GTF3C1: variants seen among roughly 807,000 people sequenced by gnomAD.
GTF3C1 encodes general transcription factor 3C polypeptide 1.
A neutral mutation model predicts 226.7 loss-of-function variants in GTF3C1; 57 were observed. The observed-to-expected ratio is 0.25, with a 90% CI of 0.20 to 0.31. The LOEUF (loss-of-function observed/expected upper bound fraction) is 0.31, where lower values mean the gene tolerates loss of function less well. Among genes scored for constraint, GTF3C1 ranks in the 10% least tolerant of loss-of-function variants. The pLI is 1.00. For synonymous variants in GTF3C1, 1,090 were observed against 1,084.8 expected (o/e 1.00, Z -0.09); for missense variants, 2,217 against 2,776.1 (o/e 0.80, Z 4.53).
chr16:27,483,964 A>C (rs1278380641), intron 25 of GTF3C1, among the ~76,000 whole-genome samples: 1 of 152,208 alleles, frequency 6.6e-6, no homozygotes, highest in African/African-American at 2.4e-5. Flanking sequence ...TCATCCAAAA[A>C]AAGGATACCA....
At position 27,478,529 on chromosome 16, in the gene GTF3C1, T is replaced by C. The variant is rs762367721; in HGVS notation, c.4199A>G (p.Tyr1400Cys). Residue 1400 changes from tyrosine (Y) to cysteine (C), a missense_variant and splice_region_variant, in exon 28 of 37, where the codon TAC (tyrosine) becomes TGC (cysteine). Coordinates refer to ENST00000356183, the MANE Select transcript of GTF3C1 (RefSeq NM_001520.4). The stretch of plus-strand genomic sequence containing the variant: ...TTCATCCCCAATTGCCAAAACTCGG[T>C]ACCTGCAAAAGAAACATAACAGCAT... ...PDTLQELFAR[Y>C]RVLAIGDEKD... is the part of the protein sequence containing the mutation. 1 of 1,609,938 alleles carries C rather than the reference T, an allele frequency of 6.2e-7. No homozygotes were observed. Among genetic ancestry groups the C allele is most frequent in the Non-Finnish European group, 8.5e-7 (1 of 1,176,160 alleles).
rs559861133 is a variant in GTF3C1, at chr16:27,533,484, A to C, written c.753-97T>G. The C allele has an allele frequency of 1.4e-5, 10 of 699,420 alleles. No homozygotes were observed. The African/African-American group carries it at 1.8e-4, about 12-fold the overall frequency. The allele number at this position is 699,420 out of a possible 1,614,324, so 43.3% of individuals were successfully genotyped here. On this transcript the variant is annotated intron_variant, in intron 4 of 36. Coordinates refer to ENST00000356183, the MANE Select transcript of GTF3C1 (RefSeq NM_001520.4). Reference sequence around the variant, plus strand: ...AAGATGACAAAGCAAGACTTGACTTAATCATTTTACAATAAATAACAGAAT... The same window carrying C: ...AAGATGACAAAGCAAGACTTGACTTCATCATTTTACAATAAATAACAGAAT...
intron 1 of GTF3C1, among the ~76,000 whole-genome samples, 170 bp from the exon 2 acceptor site, chr16:27,545,693 C>G (rs1217227984): frequency 1.3e-5 from 2 of 152,162 alleles, no homozygotes; most frequent in African/African-American, 4.8e-5. Flanking sequence ...GCCTTTCTAT[C>G]CCACAGAACG....
intron 2 of GTF3C1, among the ~76,000 whole-genome samples, chr16:27,543,379 C>G (rs1033153364): frequency 6.6e-6 from 1 of 152,084 alleles, no homozygotes; most frequent in African/African-American, 2.4e-5. Flanking sequence ...AAGCAAGACT[C>G]TGTCTCAAAA....
At chr16:27,481,212 G>A in intron 26 of GTF3C1, 21 bp from the exon 27 acceptor site, 1 of 1,600,042 alleles carries the variant, frequency 6.2e-7, no homozygotes, top group Non-Finnish European at 8.6e-7. Flanking sequence ...GAGAGCATGA[G>A]AGGTTAAGCC....
chr16:27,488,011 A>G (rs1403154682), intron 23 of GTF3C1, among the ~76,000 whole-genome samples: 1 of 152,172 alleles, frequency 6.6e-6, no homozygotes, highest in East Asian at 1.9e-4. Flanking sequence ...AAGGCGGAGA[A>G]AGCAGGGGAA....
chr16:27,488,576 G>A lies in GTF3C1; in HGVS notation c.3489C>T (p.Arg1163=), dbSNP rs1596627422. ...TACCTCTGGCACTGAGGGGCATTGG[G>A]CGCTTGGACAGAAATGTCTGGAGCC... ...TVRLQTFLSK[R]PMPLSARGNS... is the part of the protein sequence containing the mutation. The change falls in exon 22 of 37, where the codon CGC becomes CGT. Residue 1163 remains arginine (R), a synonymous_variant. Transcript: ENST00000356183. 11 of 1,614,054 alleles carry A rather than the reference G, an allele frequency of 6.8e-6. No individual in the cohort carries two copies. In the East Asian group the frequency reaches 2.5e-4, roughly 36 times the overall value.
chr16:27,484,692 A>G (rs538490274), intron 24 of GTF3C1, among the ~76,000 whole-genome samples: 2 of 152,248 alleles, frequency 1.3e-5, no homozygotes, highest in Non-Finnish European at 2.9e-5. Flanking sequence ...GTGTTTAGTT[A>G]GAGGTCTTAG....
At chr16:27,518,179 C>T (rs545952106) in intron 6 of GTF3C1, among the ~76,000 whole-genome samples, 1 of 151,830 alleles carries the variant, frequency 6.6e-6, no homozygotes, top group African/African-American at 2.4e-5. Context: ...CCCCACCACC[C>T]CCGCCCAAGA....
chr16:27,508,816 C>T (rs2088527715), intron 7 of GTF3C1, among the ~76,000 whole-genome samples, 161 bp from the exon 8 acceptor site: 1 of 152,192 alleles, frequency 6.6e-6, no homozygotes, highest in Non-Finnish European at 1.5e-5. Flanking sequence ...AAGCGTGCTT[C>T]CCTCCCAAGC....
chr16:27,507,165 A>G lies in GTF3C1; in HGVS notation c.1243-9T>C. 1 of 1,590,744 alleles carries G rather than the reference A, an allele frequency of 6.3e-7. No homozygotes were observed. Among genetic ancestry groups the G allele is most frequent in the Non-Finnish European group, 8.6e-7 (1 of 1,165,310 alleles). ...TCGTCTTCCATGAATCCCTAGAGGGAATAAGATGTGTTTATCCCACTGCAA... is the reference window on the plus strand; with the variant it reads ...TCGTCTTCCATGAATCCCTAGAGGGGATAAGATGTGTTTATCCCACTGCAA... On this transcript the variant is annotated splice_polypyrimidine_tract_variant and intron_variant, in intron 8 of 36. Coordinates refer to ENST00000356183, the MANE Select transcript of GTF3C1 (RefSeq NM_001520.4). The surrounding 1 kb of genome is among the most constrained non-coding windows in gnomAD (Gnocchi z 4.9).
At chr16:27,546,471 A>T (rs1596668094) in intron 1 of GTF3C1, among the ~76,000 whole-genome samples, 1 of 120,406 alleles carries the variant, frequency 8.3e-6, no homozygotes, top group Non-Finnish European at 1.7e-5. Flanking sequence ...AAGCTTGTCA[A>T]GTTTTTTTTT....
In GTF3C1 at chr16:27,486,103, T is replaced by A; in HGVS notation, c.3752A>T (p.Asp1251Val). ...CGTCATCCGCTGCAGGGCACTCTGG[T>A]CGGCTTCATCATGGTAGCGCAGCCT... is the stretch of plus-strand genomic sequence containing the variant. Reference protein sequence around the residue: ...SKRLRYHDEADQSALQRMTRL... With the variant: ...SKRLRYHDEAVQSALQRMTRL... The change falls in exon 24 of 37, where the codon GAC becomes GTC. Residue 1251 changes from aspartate (D) to valine (V), a missense_variant. By Grantham distance (152) the Asp-to-Val change is radical. This residue lies in a region of GTF3C1 where 546 missense variants were observed against 663.0 expected (regional missense o/e 0.82). Transcript: ENST00000356183. 6.2e-7 allele frequency: 1 copy of A among 1,607,074 alleles called. No homozygotes were observed.
Position 27,471,852 on chromosome 16 carries a change from C to T in GTF3C1, c.4422G>A (p.Arg1474=). Residue 1474 remains arginine, a synonymous_variant, in exon 30 of 37, where the codon AGG becomes AGA. Coordinates refer to ENST00000356183, the MANE Select transcript of GTF3C1 (RefSeq NM_001520.4). This position sits in a 1 kb window ranked among gnomAD's most constrained non-coding sequence, Gnocchi z 5.0. ...TGACCCGGCGCCGGTTGACCAAGCT[C>T]CTCTTCTGGCACTCCATGAAGGCCT... ...LVKAFMECQK[R]SLVNRRRVNH... is the part of the protein sequence containing the mutation. The T allele has an allele frequency of 1.2e-6, 2 of 1,614,070 alleles. No homozygotes were observed. The highest frequency in any genetic ancestry group is 1.7e-6 in the Non-Finnish European group (2 of 1,179,946).
chr16:27,503,778 T>A (rs1473527116), intron 10 of GTF3C1, among the ~76,000 whole-genome samples: 1 of 152,202 alleles, frequency 6.6e-6, no homozygotes, highest in African/African-American at 2.4e-5. Context: ...ACACATCTTG[T>A]GAATCACTGG....
chr16:27,525,872 A>C (rs867151119), intron 6 of GTF3C1, among the ~76,000 whole-genome samples: 4 of 152,198 alleles, frequency 2.6e-5, no homozygotes, highest in Admixed American at 2.6e-4. Context: ...TTGGTTTTCT[A>C]TGAGCATGTC....
At position 27,469,733 on chromosome 16, in the gene GTF3C1, G is replaced by A. The variant is rs761775255; in HGVS notation, c.4815-183C>T. Among the ~76,000 whole-genome samples, 4 of 151,858 alleles carry A rather than the reference G, an allele frequency of 2.6e-5. No homozygotes were observed. The highest frequency in any genetic ancestry group is 4.4e-5 in the Non-Finnish European group (3 of 67,984). ...GATCCATCCCCTTTCCCACCTTCCCGTGCACCGCGCTCACCCCTTGTCACA... is the reference window on the plus strand; with the variant it reads ...GATCCATCCCCTTTCCCACCTTCCCATGCACCGCGCTCACCCCTTGTCACA... On this transcript the variant is annotated intron_variant, in intron 31 of 36. Coordinates refer to ENST00000356183, the MANE Select transcript of GTF3C1 (RefSeq NM_001520.4). This position sits in a 1 kb window ranked among gnomAD's most constrained non-coding sequence, Gnocchi z 4.5.
chr16:27,507,023 G>A lies in GTF3C1; in HGVS notation c.1376C>T (p.Ala459Val). 2 of 1,613,766 alleles carry A rather than the reference G, an allele frequency of 1.2e-6. No homozygotes were observed. Among genetic ancestry groups the A allele is most frequent in the Non-Finnish European group, 1.7e-6 (2 of 1,179,936 alleles). Residue 459 changes from alanine to valine, a missense_variant, in exon 9 of 37, where the codon GCG becomes GTG. Coordinates refer to ENST00000356183, the MANE Select transcript of GTF3C1 (RefSeq NM_001520.4). The surrounding 1 kb of genome is among the most constrained non-coding windows in gnomAD (Gnocchi z 4.9). ...CAGAAGCGACTCCTCCTGCATAGACGCCAGGCTCACGGTGGTCAAGAGCTC... is the reference window on the plus strand; with the variant it reads ...CAGAAGCGACTCCTCCTGCATAGACACCAGGCTCACGGTGGTCAAGAGCTC... ...RSELLTTVSL[A>V]SMQEESLLPE...
chr16:27,524,133 C>T (rs746083228), intron 6 of GTF3C1, among the ~76,000 whole-genome samples: 13 of 152,178 alleles, frequency 8.5e-5, no homozygotes, highest in Non-Finnish European at 1.8e-4. Flanking sequence ...TGAAGCAGGC[C>T]GCAGGCTATA....
Sources: gnomAD v4.1 joint callset for allele counts (sites outside exome capture counted in the v4.1 genomes callset) on GRCh38, gnomAD v4.1.1 for gene constraint, gnomAD v4.1.1 regional missense constraint, Gnocchi (gnomAD v3.1) non-coding constraint, MANE v1.5 for transcripts, NCBI Gene and HGNC (gene_info 2026-07-23, HGNC 2026-07-21) for gene names.